IGF2BP1: variants seen among roughly 807,000 people sequenced by gnomAD.
IGF2BP1 encodes the protein insulin like growth factor 2 mRNA binding protein 1, also known as insulin-like growth factor 2 mRNA-binding protein 1.
IGF2BP1 carries 11 observed loss-of-function variants against 74.9 expected under a neutral mutation model. That is an observed-to-expected ratio of 0.15 (90% CI 0.09 to 0.24). The LOEUF (loss-of-function observed/expected upper bound fraction) is 0.24, where lower values mean the gene tolerates loss of function less well. Ranked by LOEUF, IGF2BP1 falls within the 10% of genes least tolerant of loss-of-function variation. The pLI is 1.00. For synonymous variants in IGF2BP1, 287 were observed against 281.8 expected, an observed-to-expected ratio of 1.02 and a Z score of -0.18; for missense variants, 440 against 757.4, an observed-to-expected ratio of 0.58 and a Z score of 4.92.
rs1379322174 is a variant in IGF2BP1 at position 49,003,625 on chromosome 17, T to G, written c.236+4456T>G. ...TAAGTGTGGTTCGTTCCCTATCCTCTTAAAAGATTCTTGAAATGTGGCTAA... is the reference window on the plus strand; with the variant it reads ...TAAGTGTGGTTCGTTCCCTATCCTCGTAAAAGATTCTTGAAATGTGGCTAA... On this transcript the variant is annotated intron_variant, in intron 2 of 14. Coordinates refer to ENST00000290341, the MANE Select transcript of IGF2BP1 (RefSeq NM_006546.4). 3.3e-5 allele frequency among the ~76,000 whole-genome samples: 5 copies of G among 152,090 alleles called. No homozygotes were observed. In the East Asian group the frequency reaches 7.7e-4, roughly 23 times the overall value.
chr17:49,043,023 AC>A (rs776949380), intron 9 of IGF2BP1, among the ~76,000 whole-genome samples: 1 of 152,130 alleles, frequency 6.6e-6, no homozygotes, highest in East Asian at 1.9e-4. Flanking sequence ...GGGGTACAGG[AC>A]CAAAAATGTT....
chr17:49,020,970 T>TAAA (rs33965742), intron 2 of IGF2BP1, among the ~76,000 whole-genome samples: 1 of 132,538 alleles, frequency 7.5e-6, no homozygotes, highest in Admixed American at 7.6e-5. Flanking sequence ...CTCTACAAAT[T>TAAA]AAAAAAAAAA....
rs532730633 is a variant in IGF2BP1 at position 49,040,512 on chromosome 17, C to G, written c.818+421C>G. Among the ~76,000 whole-genome samples the G allele has an allele frequency of 2.0e-3, 302 of 152,336 alleles. 1 individual carries two copies. Among genetic ancestry groups the G allele is most frequent in the African/African-American group, 7.0e-3 (289 of 41,572 alleles). On this transcript the variant is annotated intron_variant, in intron 7 of 14. Coordinates refer to ENST00000290341, the MANE Select transcript of IGF2BP1 (RefSeq NM_006546.4). ...GATTACAGGCGTGTGCCACCACACC[C>G]CATCCCTTCTTATTCCTGTCGTATG...
At chr17:49,020,667 C>G (rs1201760946) in intron 2 of IGF2BP1, among the ~76,000 whole-genome samples, 3 of 152,190 alleles carry the variant, frequency 2.0e-5, no homozygotes, top group Non-Finnish European at 4.4e-5. Context: ...GTTCACACGA[C>G]CCAGTGAACA....
At chr17:48,996,707 C>G (rs1371424973), upstream of IGF2BP1, among the ~76,000 whole-genome samples, 5 of 152,214 alleles carry the variant, frequency 3.3e-5, no homozygotes, top group South Asian at 1.0e-3. Context: ...GCGAACCACC[C>G]TTTCTCCCGT....
chr17:49,011,137 C>CAAAAAAAAAA (rs61620827), intron 2 of IGF2BP1, among the ~76,000 whole-genome samples: 44 of 57,310 alleles, frequency 7.7e-4, no homozygotes, highest in African/African-American at 2.6e-3. Flanking sequence ...GACTCTGTCT[C>CAAAAAAAAAA]AAAAAAAAAA....
In IGF2BP1 at chr17:49,049,879, A is replaced by G. The variant is rs551532156; in HGVS notation, c.*435A>G. The stretch of plus-strand genomic sequence containing the variant: ...CAATCTTCTTCCCCCTACTTGGGTA[A>G]TTGATTAAAATACCTCCATTTACGG... On this transcript the variant is annotated 3_prime_UTR_variant, in exon 15 of 15. Coordinates refer to ENST00000290341, the MANE Select transcript of IGF2BP1 (RefSeq NM_006546.4). 1 of 153,722 alleles carries G rather than the reference A, an allele frequency of 6.5e-6. No homozygotes were observed. Among genetic ancestry groups the G allele is most frequent in the East Asian group, 1.9e-4 (1 of 5,232 alleles). The allele number at this position is 153,722 out of a possible 1,614,324, so 9.5% of individuals were successfully genotyped here.
intron 2 of IGF2BP1, among the ~76,000 whole-genome samples, chr17:49,011,320 G>C (rs2041617249): frequency 6.6e-6 from 1 of 151,982 alleles, no homozygotes; most frequent in African/African-American, 2.4e-5. Context: ...TTCTCTTCTT[G>C]AGCATCTTTG....
intron 8 of IGF2BP1, 27 bp from the exon 9 acceptor site, chr17:49,042,215 A>G: frequency 1.2e-6 from 2 of 1,613,716 alleles, no homozygotes; most frequent in Non-Finnish European, 1.7e-6. Context: ...TGCCAGTGAA[A>G]GGACACAACT....
rs549769601 is a variant in IGF2BP1 at position 48,999,611 on chromosome 17, C to T, written c.236+442C>T. 4.6e-5 allele frequency among the ~76,000 whole-genome samples: 7 copies of T among 152,214 alleles called. 1 individual carries two copies. Among genetic ancestry groups the T allele is most frequent in the African/African-American group, 1.4e-4 (6 of 41,518 alleles). On this transcript the variant is annotated intron_variant, in intron 2 of 14. Coordinates refer to ENST00000290341, the MANE Select transcript of IGF2BP1 (RefSeq NM_006546.4). ...TAATTCTTAAGTGGATTGCCCTTCTCCCGAAGCGATGTGGAATGAGTTTCC... is the reference window on the plus strand; with the variant it reads ...TAATTCTTAAGTGGATTGCCCTTCTTCCGAAGCGATGTGGAATGAGTTTCC...
intron 11 of IGF2BP1, 82 bp from the exon 12 acceptor site, chr17:49,044,909 G>T: frequency 8.4e-7 from 1 of 1,189,878 alleles, no homozygotes; most frequent in Non-Finnish European, 1.3e-6. Flanking sequence ...AGTAAGGGTG[G>T]TAGAAGGGGA....
intron 2 of IGF2BP1, among the ~76,000 whole-genome samples, chr17:49,002,477 T>A (rs1279319467): frequency 6.6e-6 from 1 of 152,024 alleles, no homozygotes. Flanking sequence ...TGAAAATGAA[T>A]GAAGAGGGGT....
At chr17:48,999,923 G>GGTGTGTGTGTGTGTGTGTGT (rs371605973) in intron 2 of IGF2BP1, among the ~76,000 whole-genome samples, 88 of 134,094 alleles carry the variant, frequency 6.6e-4, no homozygotes, top group Middle Eastern at 3.8e-3. Flanking sequence ...GTGGATGAAT[G>GGTGTGTGTGTGTGTGTGTGT]GTGTGTGTGT....
Position 49,049,349 on chromosome 17 carries a change from C to T in IGF2BP1, c.1642-3C>T, listed in dbSNP as rs368159356. 8.7e-6 allele frequency: 14 copies of T among 1,613,798 alleles called. No homozygotes were observed. Among genetic ancestry groups the T allele is most frequent in the Admixed American group, 5.0e-5 (3 of 59,996 alleles). On this transcript the variant is annotated splice_polypyrimidine_tract_variant and splice_region_variant and intron_variant, in intron 14 of 14. Coordinates refer to ENST00000290341, the MANE Select transcript of IGF2BP1 (RefSeq NM_006546.4). ...CCCACTCTCTTGCCTGTTCTTGCTG[C>T]AGATGGCTCAACGGAAGATCCGAGA...
intron 2 of IGF2BP1, among the ~76,000 whole-genome samples, chr17:49,011,605 C>G (rs190477491): frequency 2.0e-5 from 3 of 151,720 alleles, no homozygotes; most frequent in Non-Finnish European, 2.9e-5. Context: ...AGGAAGGTTG[C>G]GTGAGCTCAC....
intron 2 of IGF2BP1, chr17:49,013,809 T>A (rs1458574684): frequency 6.6e-6 from 1 of 151,556 alleles, no homozygotes; most frequent in Admixed American, 6.6e-5. Flanking sequence ...GCGGGTCCCC[T>A]CCCCCTCGGG....
chr17:48,997,565 C>T lies in IGF2BP1; in HGVS notation c.-181C>T. ...GGGCTCTCCCCGAACTCTCCCGCGA[C>T]CTCTGCGCGCCCTCAGGCCGCCTTC... On this transcript the variant is annotated 5_prime_UTR_variant, in exon 1 of 15. Transcript: ENST00000290341. This position sits in a 1 kb window ranked among gnomAD's most constrained non-coding sequence, Gnocchi z 4.8. 1.6e-6 allele frequency: 1 copy of T among 623,922 alleles called. No individual in the cohort carries two copies. Among genetic ancestry groups the T allele is most frequent in the South Asian group, 2.0e-5 (1 of 50,654 alleles). 38.6% of individuals were successfully genotyped at this position (623,922 alleles called of 1,614,324 possible). A position where few individuals can be genotyped will look rare whatever the true frequency, so the allele number is the denominator to read the frequency against.
chr17:49,012,021 C>T (rs1272113589), intron 2 of IGF2BP1, among the ~76,000 whole-genome samples: 3 of 150,950 alleles, frequency 2.0e-5, no homozygotes, highest in Non-Finnish European at 1.5e-5. Flanking sequence ...AAGTGATTCT[C>T]CTGCCTTAGC....
intron 2 of IGF2BP1, among the ~76,000 whole-genome samples, chr17:49,011,137 C>CAAAAAAA (rs61620827): frequency 2.1e-3 from 122 of 57,280 alleles, no homozygotes; most frequent in Middle Eastern, 0.025. Flanking sequence ...GACTCTGTCT[C>CAAAAAAA]AAAAAAAAAA....
Sources: allele counts gnomAD v4.1 joint callset (sites outside exome capture counted in the v4.1 genomes callset), GRCh38; gene constraint gnomAD v4.1.1; non-coding constraint Gnocchi (gnomAD v3.1); transcripts MANE v1.5; gene names NCBI Gene and HGNC (gene_info 2026-07-23, HGNC 2026-07-21).